SOX6: variants seen among roughly 807,000 people sequenced by gnomAD.
SOX6 encodes transcription factor SOX-6.
SOX6 carries 11 observed loss-of-function variants against 97.8 expected under a neutral mutation model. The ratio of observed to expected loss-of-function variants is 0.11; its 90% CI spans 0.07 to 0.19. The LOEUF is 0.19. SOX6 is among the 10% of genes least tolerant of loss of function. The pLI is 1.00. For synonymous variants in SOX6, 360 were observed against 371.4 expected, an observed-to-expected ratio of 0.97 and a Z score of 0.35; for missense variants, 810 against 1,039.5, an observed-to-expected ratio of 0.78 and a Z score of 3.04.
At chr11:16,259,025 G>A (rs970318414) in intron 3 of SOX6, among the ~76,000 whole-genome samples, 8 of 151,462 alleles carry the variant, frequency 5.3e-5, no homozygotes, top group African/African-American at 2.4e-5. Flanking sequence ...ATGTAAAGGA[G>A]AAAAGAAATA....
chr11:16,426,313 C>G (rs1259298320), intron 1 of SOX6, among the ~76,000 whole-genome samples: 1 of 74,936 alleles, frequency 1.3e-5, no homozygotes, highest in Non-Finnish European at 2.8e-5. Flanking sequence ...TTTTAAAATT[C>G]ATATGGAATA....
intron 4 of SOX6, among the ~76,000 whole-genome samples, chr11:16,555,975 T>C (rs1313846728): frequency 6.6e-6 from 1 of 151,678 alleles, no homozygotes; most frequent in Admixed American, 6.6e-5. Flanking sequence ...GTTTTTTATA[T>C]TTTTATTTTT....
At chr11:16,441,060 T>C (rs1859494195) in intron 1 of SOX6, among the ~76,000 whole-genome samples, 1 of 152,094 alleles carries the variant, frequency 6.6e-6, no homozygotes. Context: ...CAGAAGAGAT[T>C]CTACAGCCCA....
intron 6 of SOX6, among the ~76,000 whole-genome samples, chr11:16,141,306 T>A (rs1850132797): frequency 6.6e-6 from 1 of 152,144 alleles, no homozygotes; most frequent in South Asian, 2.1e-4. Flanking sequence ...GGTATCTGAG[T>A]GCCTAAAAAG....
intron 1 of SOX6, among the ~76,000 whole-genome samples, chr11:16,431,766 A>G (rs1408558454): frequency 6.6e-6 from 1 of 152,122 alleles, no homozygotes; most frequent in Non-Finnish European, 1.5e-5. Flanking sequence ...CTCAGATTTC[A>G]TATCAAGTAT....
At chr11:16,216,102 A>G (rs1477854231) in intron 4 of SOX6, among the ~76,000 whole-genome samples, 1 of 152,210 alleles carries the variant, frequency 6.6e-6, no homozygotes, top group Non-Finnish European at 1.5e-5. Context: ...ATGGAGGACA[A>G]TGATGCCCAT....
At chr11:16,484,509 C>G in intron 4 of SOX6, 1 of 804,544 alleles carries the variant, frequency 1.2e-6, no homozygotes, top group South Asian at 1.3e-5. Context: ...GCCACCTCCA[C>G]CTCATTCTCA....
intron 3 of SOX6, among the ~76,000 whole-genome samples, chr11:16,295,087 A>G (rs1201889259): frequency 6.6e-6 from 1 of 152,112 alleles, no homozygotes; most frequent in African/African-American, 2.4e-5. Flanking sequence ...GACAAAATTG[A>G]TCATTATTGT....
In SOX6 at chr11:16,096,014, G is replaced by GTCTTA; in HGVS notation, c.1082_1083insTAAGA (p.Asn362LysfsTer44). On this transcript the variant is annotated frameshift_variant, in exon 9 of 16. Transcript: ENST00000683767. LOFTEE classifies it high-confidence loss of function. ...TTCATACCTCAATCTGTTTGTGGTT[G>GTCTTA]TAAGAGTGGCCACCACCATGTTCAA... 6.2e-7 allele frequency: 1 copy of GTCTTA among 1,609,868 alleles called. No individual in the cohort carries two copies. The highest frequency in any genetic ancestry group is 8.5e-7 in the Non-Finnish European group (1 of 1,177,586).
intron 3 of SOX6, among the ~76,000 whole-genome samples, chr11:16,269,442 T>G (rs1854180524): frequency 1.3e-5 from 2 of 150,926 alleles, no homozygotes; most frequent in Admixed American, 6.6e-5. Context: ...TCAACTTGAC[T>G]AGCCTCATCA....
At chr11:16,116,971 A>G (rs1395558124) in intron 6 of SOX6, among the ~76,000 whole-genome samples, 3 of 152,102 alleles carry the variant, frequency 2.0e-5, no homozygotes, top group Non-Finnish European at 4.4e-5. Flanking sequence ...GTCCATGCAA[A>G]AACTGTCTTC....
intron 4 of SOX6, among the ~76,000 whole-genome samples, chr11:16,570,592 A>T (rs1413809887): frequency 6.6e-6 from 1 of 152,190 alleles, no homozygotes; most frequent in South Asian, 2.1e-4. Flanking sequence ...ATCTATAATT[A>T]GCTCTCTTGG....
intron 4 of SOX6, 122 bp from the exon 5 acceptor site, chr11:16,187,077 G>A (rs1851499364): frequency 2.0e-6 from 2 of 1,020,398 alleles, no homozygotes; most frequent in Admixed American, 3.6e-5. Flanking sequence ...ACAATGACTG[G>A]AGGCCATTGA....
intron 2 of SOX6, among the ~76,000 whole-genome samples, chr11:16,332,476 A>G (rs1856334297): frequency 6.6e-6 from 1 of 152,190 alleles, no homozygotes; most frequent in Admixed American, 6.6e-5. Context: ...GAGTACTCTC[A>G]GTATACTGGG....
intron 4 of SOX6, among the ~76,000 whole-genome samples, chr11:16,608,955 TAA>T (rs1344906179): frequency 6.6e-6 from 1 of 152,166 alleles, no homozygotes; most frequent in Non-Finnish European, 1.5e-5. Context: ...TAAAAATGCC[TAA>T]GTCAGATGTA....
intron 6 of SOX6, among the ~76,000 whole-genome samples, chr11:16,132,390 GAAAGAAAGAAAA>G (rs1564972225): frequency 2.8e-4 from 20 of 71,092 alleles, no homozygotes; most frequent in African/African-American, 8.9e-4. Context: ...AAGAAAGAAA[GAAAGAAAGAAAA>G]AAGAAAGAAA....
intron 13 of SOX6, among the ~76,000 whole-genome samples, chr11:15,996,687 A>G (rs920964425): frequency 2.0e-5 from 3 of 151,986 alleles, no homozygotes; most frequent in African/African-American, 7.2e-5. Context: ...TACTTCAAAC[A>G]AAAGACTTAA....
At chr11:16,385,754 C>T (rs538989505) in intron 1 of SOX6, among the ~76,000 whole-genome samples, 141 of 152,212 alleles carry the variant, frequency 9.3e-4, no homozygotes, top group Non-Finnish European at 1.6e-3. Flanking sequence ...TCATATTTTG[C>T]TCTTTTGAAT....
At chr11:16,618,890 C>T (rs1280928361) in intron 3 of SOX6, among the ~76,000 whole-genome samples, 1 of 151,980 alleles carries the variant, frequency 6.6e-6, no homozygotes, top group African/African-American at 2.4e-5. Context: ...GAATGCTACA[C>T]ATTTGCATAC....
Sources: gnomAD v4.1 joint callset for allele counts (sites outside exome capture counted in the v4.1 genomes callset) on GRCh38, gnomAD v4.1.1 for gene constraint, MANE v1.5 for transcripts, NCBI Gene and HGNC (gene_info 2026-07-23, HGNC 2026-07-21) for gene names.